The following CTPS2 variants were observed in gnomAD, a reference collection of about 807,000 sequenced individuals.
CTPS2 encodes the protein CTP synthase 2.
CTPS2 carries 19 observed loss-of-function variants against 46.8 expected under a neutral mutation model. The observed-to-expected ratio is 0.41, with a 90% CI of 0.28 to 0.60. The LOEUF (loss-of-function observed/expected upper bound fraction) is 0.60. Among genes scored for constraint, CTPS2 ranks in the 20% least tolerant of loss-of-function variants. The pLI is 0.35. For synonymous variants in CTPS2, 151 were observed against 165.2 expected (o/e 0.91, Z 0.66); for missense variants, 286 against 447.6 (o/e 0.64, Z 3.26).
chrX:16,599,791 T>C (rs1929549467), intron 17 of CTPS2, among the ~76,000 whole-genome samples: 1 of 106,120 alleles, frequency 9.4e-6, no homozygotes. Context: ...CCCCTTTTTT[T>C]TTCTTTTGAC....
chrX:16,635,017 G>A (rs1300027811), intron 14 of CTPS2, among the ~76,000 whole-genome samples: 6 of 109,585 alleles, frequency 5.5e-5, no homozygotes, highest in Non-Finnish European at 9.5e-5. Context: ...AATATCTTTA[G>A]GCTGTGACCC....
intron 11 of CTPS2, among the ~76,000 whole-genome samples, chrX:16,668,652 G>GGAAGGAAGGAAGGAAGGAAGAAGGAA (rs1198016476): frequency 1.0e-5 from 1 of 96,515 alleles, no homozygotes; most frequent in African/African-American, 3.9e-5. Flanking sequence ...AAGGAAGGAT[G>GGAAGGAAGGAAGGAAGGAAGAAGGAA]GAAGGAAGGA....
intron 8 of CTPS2, among the ~76,000 whole-genome samples, chrX:16,684,509 C>CAAAAAAAAAAAAAAA (rs1334791360): frequency 1.3e-4 from 9 of 70,043 alleles, no homozygotes; most frequent in Non-Finnish European, 2.3e-4. Context: ...ACTCTGTCTC[C>CAAAAAAAAAAAAAAA]AAAAAAAAAA....
intron 9 of CTPS2, among the ~76,000 whole-genome samples, chrX:16,679,634 G>T (rs1283517234): frequency 9.0e-6 from 1 of 111,553 alleles, no homozygotes; most frequent in Non-Finnish European, 1.9e-5. Context: ...ACTCCCAAAG[G>T]AATGGTATTA....
chrX:16,616,758 G>A (rs1217073307), intron 16 of CTPS2, among the ~76,000 whole-genome samples: 3 of 111,749 alleles, frequency 2.7e-5, no homozygotes, highest in Non-Finnish European at 5.6e-5. Flanking sequence ...GCAGTGACGC[G>A]ATCTCGGCTC....
chrX:16,663,863 T>C (rs1466218294), intron 13 of CTPS2, among the ~76,000 whole-genome samples: 1 of 110,381 alleles, frequency 9.1e-6, no homozygotes, highest in African/African-American at 3.3e-5. Context: ...TGAGGCAGAG[T>C]CTTGCTTTGT....
chrX:16,620,353 G>A, intron 14 of CTPS2, 21 bp from the exon 15 acceptor site: 1 of 1,138,973 alleles, frequency 8.8e-7, no homozygotes, highest in East Asian at 3.0e-5. Flanking sequence ...ACAAGAGCGA[G>A]ATTAATATTA....
intron 18 of CTPS2, 33 bp downstream of exon 18, chrX:16,590,719 A>G (rs950111604): frequency 2.5e-6 from 2 of 787,489 alleles, no homozygotes; most frequent in African/African-American, 4.1e-5. Context: ...TGTCCATGAG[A>G]GAAATGAACA....
At chrX:16,597,157 A>C in intron 17 of CTPS2, among the ~76,000 whole-genome samples, 1 of 111,183 alleles carries the variant, frequency 9.0e-6, no homozygotes, top group East Asian at 2.8e-4. Flanking sequence ...TGTTCACTCT[A>C]ATGGTAGTTT....
chrX:16,614,105 T>TAA (rs553773503), intron 16 of CTPS2, among the ~76,000 whole-genome samples: 1 of 110,212 alleles, frequency 9.1e-6, no homozygotes, highest in Non-Finnish European at 1.9e-5. Flanking sequence ...CTGATGAGCT[T>TAA]AAAAAAAAAT....
At chrX:16,620,784 G>A (rs1372188209) in intron 14 of CTPS2, among the ~76,000 whole-genome samples, 1 of 111,982 alleles carries the variant, frequency 8.9e-6, no homozygotes, top group Non-Finnish European at 1.9e-5. Flanking sequence ...CTTGATCCCA[G>A]GCTTCCTCAC....
At chrX:16,706,049 C>G (rs752245560) in intron 1 of CTPS2, among the ~76,000 whole-genome samples, 1 of 106,392 alleles carries the variant, frequency 9.4e-6, no homozygotes, top group East Asian at 2.9e-4. Flanking sequence ...TGCAGTGAGC[C>G]GAGATTGTGC....
At chrX:16,593,477 CTT>C (rs5901588) in intron 17 of CTPS2, among the ~76,000 whole-genome samples, 5 of 85,194 alleles carry the variant, frequency 5.9e-5, no homozygotes, top group Admixed American at 1.3e-4. Context: ...TGAAATTTTA[CTT>C]TTTTTTTTTT....
At chrX:16,621,669 T>C (rs1451838210) in intron 14 of CTPS2, among the ~76,000 whole-genome samples, 1 of 110,231 alleles carries the variant, frequency 9.1e-6, no homozygotes, top group Admixed American at 9.7e-5. Flanking sequence ...TCCAACAGAA[T>C]CAGAAGCCAT....
intron 17 of CTPS2, among the ~76,000 whole-genome samples, chrX:16,606,701 G>A (rs1244076277): frequency 9.0e-6 from 1 of 111,117 alleles, no homozygotes; most frequent in Non-Finnish European, 1.9e-5. Flanking sequence ...TTCTCTCTGA[G>A]ACATACTATA....
rs186674282 is a variant in CTPS2, at chrX:16,634,504, A to G, written c.1393+4643T>C. Reference sequence around the variant, plus strand: ...GGGAACTTCTAGGAACACACTGCTTATAAGTAGGGCAAATAATCATTACCA... The same window carrying G: ...GGGAACTTCTAGGAACACACTGCTTGTAAGTAGGGCAAATAATCATTACCA... On this transcript the variant is annotated intron_variant, in intron 14 of 18. Coordinates refer to ENST00000359276, the MANE Select transcript of CTPS2 (RefSeq NM_175859.3). 4.5e-5 allele frequency among the ~76,000 whole-genome samples: 5 copies of G among 112,292 alleles called. No homozygotes were observed. The Admixed American group carries it at 4.7e-4, about 11-fold the overall frequency.
At chrX:16,662,459 T>G (rs192032507) in intron 13 of CTPS2, among the ~76,000 whole-genome samples, 1 of 111,804 alleles carries the variant, frequency 8.9e-6, no homozygotes, top group South Asian at 3.7e-4. Flanking sequence ...AGTGTCTCTA[T>G]TGATTTCATC....
Position 16,683,027 on chromosome X carries a change from G to A in CTPS2, c.1005+67C>T. The A allele has an allele frequency of 1.4e-5, 16 of 1,161,907 alleles. No homozygotes were observed. The South Asian group carries it at 2.6e-4, about 19-fold the overall frequency. On this transcript the variant is annotated intron_variant, in intron 9 of 18. Transcript: ENST00000359276. ...TCTCAGGGACCCTTTAACAAAACTT[G>A]CCCCTCTGGAACATGTGCTATTGGC... is the stretch of plus-strand genomic sequence containing the variant.
At chrX:16,647,172 C>T (rs947555791) in intron 13 of CTPS2, among the ~76,000 whole-genome samples, 1 of 109,523 alleles carries the variant, frequency 9.1e-6, no homozygotes, top group African/African-American at 3.3e-5. Context: ...CTTAAGAAGC[C>T]GCACAGGCTG....
Sources: allele counts gnomAD v4.1 joint callset (sites outside exome capture counted in the v4.1 genomes callset), GRCh38; gene constraint gnomAD v4.1.1; transcripts MANE v1.5; gene names NCBI Gene and HGNC (gene_info 2026-07-23, HGNC 2026-07-21).